Variants in NUP188 observed in about 807,000 individuals in gnomAD.
NUP188 encodes the protein nucleoporin 188.
A neutral mutation model predicts 223.0 loss-of-function variants in NUP188; 97 were observed. The observed-to-expected ratio is 0.43, with a 90% CI of 0.37 to 0.51. The LOEUF (loss-of-function observed/expected upper bound fraction) is 0.51. Ranked by LOEUF, NUP188 falls within the 20% of genes least tolerant of loss-of-function variation. NUP188 has a pLI of 0.00. For synonymous variants in NUP188, 869 were observed against 828.0 expected (o/e 1.05, Z -0.85); for missense variants, 1,947 against 2,175.6 (o/e 0.89, Z 2.09).
At chr9:128,997,555 T>G (rs1204341879) in intron 30 of NUP188, among the ~76,000 whole-genome samples, 2 of 152,138 alleles carry the variant, frequency 1.3e-5, no homozygotes, top group Admixed American at 6.5e-5. Context: ...AGTGGTGCAA[T>G]CATGGCTCAC....
chr9:128,985,650 T>C, intron 20 of NUP188, among the ~76,000 whole-genome samples: 1 of 152,180 alleles, frequency 6.6e-6, no homozygotes, highest in Non-Finnish European at 1.5e-5. Context: ...AACAGAATGC[T>C]ATATGGTCTC....
chr9:128,980,626 G>A lies in NUP188; in HGVS notation c.1290G>A (p.Gly430=), dbSNP rs761219599. Residue 430 remains glycine, a synonymous_variant, in exon 14 of 44, where the codon GGG becomes GGA. Coordinates refer to ENST00000372577, the MANE Select transcript of NUP188 (RefSeq NM_015354.3). ...CACAGGAGCCAACTTCTGGCCTTGG[G>A]ATCATTCTGGACAGTGTGTGTGGAA... ...FWGTEPTSGL[G]IILDSVCGMF... 5 of 1,613,232 alleles carry A rather than the reference G, an allele frequency of 3.1e-6. No individual in the cohort carries two copies. The East Asian group carries it at 1.1e-4, about 36-fold the overall frequency.
intron 3 of NUP188, among the ~76,000 whole-genome samples, chr9:128,955,954 T>C (rs144095978): frequency 1.4e-5 from 2 of 144,572 alleles, no homozygotes; most frequent in African/African-American, 5.3e-5. Flanking sequence ...AGCAACTGTT[T>C]ATGAGCTGTG....
intron 34 of NUP188, among the ~76,000 whole-genome samples, chr9:129,000,525 A>G (rs1382836671): frequency 1.3e-5 from 2 of 151,104 alleles, no homozygotes; most frequent in African/African-American, 4.9e-5. Context: ...TCACTGTGTT[A>G]GCCAGGATGG....
At chr9:128,965,461 A>T (rs988334421) in intron 8 of NUP188, among the ~76,000 whole-genome samples, 5 of 151,430 alleles carry the variant, frequency 3.3e-5, no homozygotes, top group East Asian at 1.9e-4. Context: ...ATTAAAAAAA[A>T]TTTTTTTTTG....
chr9:128,991,383 C>A (rs1842427651), intron 25 of NUP188, among the ~76,000 whole-genome samples: 1 of 151,544 alleles, frequency 6.6e-6, no homozygotes, highest in African/African-American at 2.4e-5. Context: ...ACTAAAAATA[C>A]CAAAATTAGC....
rs1157499227 is a variant in NUP188, at chr9:128,947,746, T to C, written c.27T>C (p.Cys9=). 2.7e-6 allele frequency: 4 copies of C among 1,470,892 alleles called. No individual in the cohort carries two copies. In the Admixed American group the frequency reaches 7.4e-5, roughly 27 times the overall value. The allele number at this position is 1,470,892 out of a possible 1,614,324, so 91.1% of individuals were successfully genotyped here. A position where few individuals can be genotyped will look rare whatever the true frequency, so the allele number is the denominator to read the frequency against. Reference sequence around the variant, plus strand: ...TGGCGGCGGCCGCCGGCGGGCCGTGTGTGAGGTGCGGAGCGGGTCGAATGG... The same window carrying C: ...TGGCGGCGGCCGCCGGCGGGCCGTGCGTGAGGTGCGGAGCGGGTCGAATGG... The part of the protein sequence containing the change: MAAAAGGP[C]VRSSRELWTI... The change falls in exon 1 of 44, where the codon TGT becomes TGC. Residue 9 remains cysteine, a synonymous_variant. Transcript: ENST00000372577.
chr9:128,990,324 G>T (rs764701445), intron 25 of NUP188, 98 bp downstream of exon 25: 3 of 942,750 alleles, frequency 3.2e-6, no homozygotes, highest in Non-Finnish European at 5.2e-6. Flanking sequence ...GCGGCTTAAC[G>T]CCTGTATATA....
chr9:128,949,334 C>A, intron 2 of NUP188, 91 bp downstream of exon 2: 1 of 868,646 alleles, frequency 1.2e-6, no homozygotes, highest in Non-Finnish European at 1.9e-6. Context: ...AGGAAGTAAA[C>A]ACATTTATTT....
chr9:128,969,363 G>T (rs982811538), intron 9 of NUP188, 37 bp from the exon 10 acceptor site: 4 of 1,285,218 alleles, frequency 3.1e-6, no homozygotes, highest in South Asian at 1.2e-5. Flanking sequence ...GTTTCAGAAC[G>T]GGATATATAA....
intron 8 of NUP188, among the ~76,000 whole-genome samples, chr9:128,963,852 T>C (rs1339970764): frequency 6.6e-6 from 1 of 151,256 alleles, no homozygotes; most frequent in Non-Finnish European, 1.5e-5. Flanking sequence ...AGTCTCACAC[T>C]GTCGCCCAGG....
At chr9:128,963,386 A>G (rs1404754568) in intron 8 of NUP188, among the ~76,000 whole-genome samples, 8 of 151,642 alleles carry the variant, frequency 5.3e-5, no homozygotes, top group Admixed American at 2.0e-4. Flanking sequence ...CCTGAGTTCA[A>G]GCGATTGTCC....
At chr9:128,985,077 C>T in intron 20 of NUP188, 63 bp downstream of exon 20, 1 of 1,169,248 alleles carries the variant, frequency 8.6e-7, no homozygotes, top group Non-Finnish European at 1.3e-6. Flanking sequence ...TCAGATGACT[C>T]TGAAATAGTT....
rs375707239 is a variant in NUP188, at chr9:129,005,475, C to T, written c.4682C>T (p.Thr1561Met). The stretch of plus-strand genomic sequence containing the variant: ...GGCCTTCTCAAGATCCTCAGCAAGA[C>T]GCTGGCAGCCCTGCGCCACTTCACC... ...QYGLLKILSK[T>M]LAALRHFTPD... Residue 1561 changes from threonine to methionine, a missense_variant, in exon 40 of 44, where the codon ACG becomes ATG. Around this residue, in one of 3 missense-constraint regions of NUP188, gnomAD observed 905 missense variants for 990.6 expected, o/e 0.91. Coordinates refer to ENST00000372577, the MANE Select transcript of NUP188 (RefSeq NM_015354.3). The T allele has an allele frequency of 6.7e-5, 107 of 1,606,018 alleles. No individual in the cohort carries two copies. Among genetic ancestry groups the T allele is most frequent in the Admixed American group, 1.5e-4 (9 of 60,002 alleles).
chr9:128,998,439 C>T lies in NUP188; in HGVS notation c.3430-99C>T, dbSNP rs1285239681. On this transcript the variant is annotated intron_variant, in intron 31 of 43. Coordinates refer to ENST00000372577, the MANE Select transcript of NUP188 (RefSeq NM_015354.3). Reference sequence around the variant, plus strand: ...TCCCCCTCCACTCCACTCCTGTGAGCTCACTGCTGGGGAAGAAAGGCAATG... The same window carrying T: ...TCCCCCTCCACTCCACTCCTGTGAGTTCACTGCTGGGGAAGAAAGGCAATG... 6 of 1,144,540 alleles carry T rather than the reference C, an allele frequency of 5.2e-6. No homozygotes were observed. The Admixed American group carries it at 1.0e-4, about 20-fold the overall frequency. 70.9% of individuals were successfully genotyped at this position (1,144,540 alleles called of 1,614,324 possible).
rs1225073122 is a variant in NUP188 at position 128,987,987 on chromosome 9, A to G, written c.2394-60A>G. 13 of 1,565,866 alleles carry G rather than the reference A, an allele frequency of 8.3e-6. No individual in the cohort carries two copies. The Admixed American group carries it at 1.7e-4, about 20-fold the overall frequency. On this transcript the variant is annotated intron_variant, in intron 23 of 43. Coordinates refer to ENST00000372577, the MANE Select transcript of NUP188 (RefSeq NM_015354.3). ...GTTGGAATCTAATTCATGAGAGCAC[A>G]TATATTGCGAATGAAGTCATACTGT...
chr9:129,001,741 G>T lies in NUP188; in HGVS notation c.4044+12G>T, dbSNP rs751120723. The T allele has an allele frequency of 1.9e-6, 3 of 1,612,074 alleles. No homozygotes were observed. Among genetic ancestry groups the T allele is most frequent in the Non-Finnish European group, 2.5e-6 (3 of 1,179,344 alleles). On this transcript the variant is annotated intron_variant, in intron 35 of 43. Transcript: ENST00000372577. ...CTCGCACTCAGCAGGTAGGAGGCCA[G>T]CCCGAAGGCAGGAGGGAGCGTCCTT...
At chr9:128,991,926 G>C (rs1334375546) in intron 25 of NUP188, among the ~76,000 whole-genome samples, 2 of 44,422 alleles carry the variant, frequency 4.5e-5, no homozygotes, top group African/African-American at 1.9e-4. Flanking sequence ...TTTTTTTTTT[G>C]AGACGGAGTC....
chr9:128,984,924 G>A lies in NUP188; in HGVS notation c.1986G>A (p.Gly662=), dbSNP rs1361136582. 5 of 1,613,382 alleles carry A rather than the reference G, an allele frequency of 3.1e-6. No individual in the cohort carries two copies. Among genetic ancestry groups the A allele is most frequent in the Admixed American group, 1.7e-5 (1 of 59,902 alleles). Residue 662 remains glycine, a synonymous_variant, in exon 20 of 44, where the codon GGG becomes GGA. Coordinates refer to ENST00000372577, the MANE Select transcript of NUP188 (RefSeq NM_015354.3). ...MISAEGMNAG[G]YGNLLMNSEQ... The stretch of plus-strand genomic sequence containing the variant: ...GTGCGGAAGGGATGAATGCTGGAGG[G>A]TACGGAAACCTCTTGATGAACAGTG...
Sources: allele counts gnomAD v4.1 joint callset (sites outside exome capture counted in the v4.1 genomes callset), GRCh38; gene constraint gnomAD v4.1.1; regional missense constraint gnomAD v4.1.1; transcripts MANE v1.5; gene names NCBI Gene and HGNC (gene_info 2026-07-23, HGNC 2026-07-21).